ERGIC2: variants seen among roughly 807,000 people sequenced by gnomAD.
ERGIC2 encodes the protein ERGIC and golgi 2, also known as endoplasmic reticulum-Golgi intermediate compartment protein 2.
A neutral mutation model predicts 52.5 loss-of-function variants in ERGIC2; 31 were observed. The ratio of observed to expected loss-of-function variants is 0.59; its 90% CI spans 0.44 to 0.80. The LOEUF (loss-of-function observed/expected upper bound fraction) is 0.80. Among genes scored for constraint, ERGIC2 ranks in the 30% least tolerant of loss-of-function variants. ERGIC2 has a pLI of 0.00. For synonymous variants in ERGIC2, 129 were observed against 140.6 expected (o/e 0.92, Z 0.58); for missense variants, 395 against 455.2 (o/e 0.87, Z 1.20).
intron 10 of ERGIC2, among the ~76,000 whole-genome samples, chr12:29,346,495 T>A (rs1043685297): frequency 1.3e-5 from 2 of 152,188 alleles, no homozygotes; most frequent in African/African-American, 4.8e-5. Flanking sequence ...CAGCCAGCAT[T>A]TCTTTATAGT....
intron 1 of ERGIC2, among the ~76,000 whole-genome samples, chr12:29,380,313 A>C (rs1372832857): frequency 6.6e-6 from 1 of 152,178 alleles, no homozygotes; most frequent in Non-Finnish European, 1.5e-5. Flanking sequence ...ACTGAATTAC[A>C]ACTTCAAATG....
chr12:29,368,044 C>G (rs1341452831), intron 4 of ERGIC2, among the ~76,000 whole-genome samples, 197 bp downstream of exon 4: 1 of 151,772 alleles, frequency 6.6e-6, no homozygotes, highest in Non-Finnish European at 1.5e-5. Flanking sequence ...AAAGTTTTAT[C>G]TCTTCTCTTT....
intron 5 of ERGIC2, among the ~76,000 whole-genome samples, chr12:29,364,336 A>G (rs1940328530): frequency 6.6e-6 from 1 of 152,150 alleles, no homozygotes; most frequent in Admixed American, 6.6e-5. Flanking sequence ...TGACAAAATC[A>G]ACAAAAATAA....
chr12:29,340,903 C>G lies in ERGIC2; in HGVS notation c.*253G>C. On this transcript the variant is annotated 3_prime_UTR_variant, in exon 14 of 14. Transcript: ENST00000360150. ...TTGCTATGAAAATATAAGAAGGCGT[C>G]ATCTTCAAAGCAACACTCCAGTTGG... The G allele has an allele frequency of 1.9e-6, 1 of 518,086 alleles. No homozygotes were observed. The highest frequency in any genetic ancestry group is 2.0e-5 in the African/African-American group (1 of 51,064). 32.1% of individuals were successfully genotyped at this position (518,086 alleles called of 1,614,324 possible).
chr12:29,350,980 G>A (rs565989611), intron 8 of ERGIC2, among the ~76,000 whole-genome samples: 2 of 152,142 alleles, frequency 1.3e-5, no homozygotes, highest in South Asian at 4.1e-4. Flanking sequence ...TATTAAGTCT[G>A]CATGAAACTT....
chr12:29,351,925 C>T (rs989023475), intron 8 of ERGIC2, among the ~76,000 whole-genome samples: 1 of 152,134 alleles, frequency 6.6e-6, no homozygotes, highest in East Asian at 1.9e-4. Flanking sequence ...TCAACAGATA[C>T]TGTATTCTTT....
At chr12:29,349,206 G>C in intron 9 of ERGIC2, 29 bp from the exon 10 acceptor site, 1 of 1,107,096 alleles carries the variant, frequency 9.0e-7, no homozygotes, top group Non-Finnish European at 1.3e-6. Context: ...AAACAACTTA[G>C]CAGAGAAATT....
In ERGIC2 at chr12:29,339,506, T is replaced by A. The variant is rs941084900; in HGVS notation, c.*1650A>T. On this transcript the variant is annotated 3_prime_UTR_variant, in exon 14 of 14. Transcript: ENST00000360150. Reference sequence around the variant, plus strand: ...TAGCCAAACTTTGTTGGAAATAATTTGAAGAAAAAAAATTAAAACCTAGAG... The same window carrying A: ...TAGCCAAACTTTGTTGGAAATAATTAGAAGAAAAAAAATTAAAACCTAGAG... 3 of 152,160 alleles carry A rather than the reference T, an allele frequency of 2.0e-5. No homozygotes were observed. Among genetic ancestry groups the A allele is most frequent in the Non-Finnish European group, 4.4e-5 (3 of 67,996 alleles). 9.4% of individuals were successfully genotyped at this position (152,160 alleles called of 1,614,324 possible).
In ERGIC2 at chr12:29,366,888, C is replaced by G. The variant is rs760860114; in HGVS notation, c.322G>C (p.Val108Leu). 1.4e-5 allele frequency: 23 copies of G among 1,599,972 alleles called. No homozygotes were observed. The highest frequency in any genetic ancestry group is 2.0e-5 in the Non-Finnish European group (23 of 1,171,038). Residue 108 changes from valine to leucine, a missense_variant, in exon 5 of 14, where the codon GTT becomes CTT. By Grantham distance (32) the Val-to-Leu change is conservative. Transcript: ENST00000360150. ...TGAATCAAACTTACTGGTTCATAAA[C>G]TAAACCATCTGCAGATGCAACCATT... is the stretch of plus-strand genomic sequence containing the variant. Reference protein sequence around the residue: ...ETMVASADGLVYEPTVFDLSP... With the variant: ...ETMVASADGLLYEPTVFDLSP...
chr12:29,345,071 G>A (rs970930590), intron 11 of ERGIC2, among the ~76,000 whole-genome samples: 4 of 152,084 alleles, frequency 2.6e-5, no homozygotes, highest in Admixed American at 6.5e-5. Context: ...TAATAAATAA[G>A]TAACAGAATT....
chr12:29,347,417 A>G (rs1940069482), intron 10 of ERGIC2, among the ~76,000 whole-genome samples: 1 of 152,212 alleles, frequency 6.6e-6, no homozygotes. Flanking sequence ...AATGCTCTCA[A>G]AAAGATAATC....
chr12:29,363,040 T>C (rs1226073554), intron 5 of ERGIC2, among the ~76,000 whole-genome samples: 1 of 152,330 alleles, frequency 6.6e-6, no homozygotes, highest in African/African-American at 2.4e-5. Context: ...CCTATGCTAA[T>C]TCATTATCTC....
In ERGIC2 at chr12:29,370,128, G is replaced by A. The variant is rs765001958; in HGVS notation, c.201C>T (p.Asp67=). The A allele has an allele frequency of 3.3e-6, 5 of 1,512,782 alleles. No homozygotes were observed. The highest frequency in any genetic ancestry group is 1.8e-4 in the Middle Eastern group (1 of 5,550). 93.7% of individuals were successfully genotyped at this position (1,512,782 alleles called of 1,614,324 possible). A position where few individuals can be genotyped will look rare whatever the true frequency, so the allele number is the denominator to read the frequency against. The change falls in exon 3 of 14, where the codon GAC becomes GAT. Residue 67 remains aspartate (D), a synonymous_variant. Transcript: ENST00000360150. The stretch of plus-strand genomic sequence containing the variant: ...AAAATGATTACCTAGAAAAATCCTT[G>A]TCTACTTCGTATTCATACTTCATCC... ...DTWMKYEYEV[D]KDFSSKLRIN...
rs1235763451 is a variant in ERGIC2 at position 29,345,517 on chromosome 12, T to C, written c.751A>G (p.Ile251Val). Residue 251 changes from isoleucine (I) to valine (V), a missense_variant, in exon 11 of 14, where the codon ATT becomes GTT. Transcript: ENST00000360150. ...TGTAGTTTTGTTGGCACAACTGTAA[T>C]AAAATATTGGAACATCTGGTTGTCT... is the stretch of plus-strand genomic sequence containing the variant. The part of the protein sequence containing the change: ...IDHNQMFQYF[I>V]TVVPTKLHTY... The C allele has an allele frequency of 1.4e-5, 23 of 1,596,352 alleles. No individual in the cohort carries two copies. The highest frequency in any genetic ancestry group is 2.0e-5 in the Non-Finnish European group (23 of 1,166,484).
chr12:29,344,158 T>C (rs1940008730), intron 11 of ERGIC2, among the ~76,000 whole-genome samples: 1 of 152,206 alleles, frequency 6.6e-6, no homozygotes, highest in Admixed American at 6.5e-5. Flanking sequence ...CCAGTGTGTG[T>C]AGATGTACCA....
chr12:29,351,991 T>A (rs1195983400), intron 8 of ERGIC2, among the ~76,000 whole-genome samples: 2 of 152,216 alleles, frequency 1.3e-5, no homozygotes, highest in African/African-American at 2.4e-5. Flanking sequence ...GCAGCCAAAT[T>A]TGATCAAATA....
At chr12:29,362,031 C>G (rs7297435) in intron 5 of ERGIC2, among the ~76,000 whole-genome samples, 53,407 of 151,906 alleles carry the variant, frequency 0.35, 11,264 homozygotes, top group African/African-American at 0.6. Flanking sequence ...TATTAGGGTA[C>G]AAAAATACAG....
intron 1 of ERGIC2, among the ~76,000 whole-genome samples, chr12:29,379,781 T>C (rs1940561156): frequency 6.6e-6 from 1 of 152,142 alleles, no homozygotes; most frequent in East Asian, 1.9e-4. Context: ...AGAATTACAA[T>C]AAATATTGGG....
chr12:29,379,946 C>G (rs1465489722), intron 1 of ERGIC2, among the ~76,000 whole-genome samples: 1 of 151,972 alleles, frequency 6.6e-6, no homozygotes, highest in African/African-American at 2.4e-5. Context: ...TCTCGTTGTT[C>G]CAGACTAGGC....
Sources: gnomAD v4.1 joint callset for allele counts (sites outside exome capture counted in the v4.1 genomes callset) on GRCh38, gnomAD v4.1.1 for gene constraint, MANE v1.5 for transcripts, NCBI Gene and HGNC (gene_info 2026-07-23, HGNC 2026-07-21) for gene names.